Variants in GOLGA1 observed in about 807,000 individuals in gnomAD.
GOLGA1 encodes golgin subfamily A member 1.
Under a neutral mutation model 119.7 loss-of-function variants are expected in GOLGA1, and 63 were observed. The ratio of observed to expected loss-of-function variants is 0.53; its 90% CI spans 0.43 to 0.65. The LOEUF (loss-of-function observed/expected upper bound fraction) is 0.65. GOLGA1 is among the 30% of genes least tolerant of loss of function. GOLGA1 has a pLI of 0.00. For missense variants in GOLGA1, 798 were observed against 912.8 expected (o/e 0.87, Z 1.62); for synonymous variants, 318 against 333.4 (o/e 0.95, Z 0.50).
At chr9:124,892,458 A>G (rs1829877592) in intron 15 of GOLGA1, among the ~76,000 whole-genome samples, 1 of 152,126 alleles carries the variant, frequency 6.6e-6, no homozygotes, top group Non-Finnish European at 1.5e-5. Flanking sequence ...CAGTATTTAC[A>G]AAATCATTTA....
At chr9:124,942,687 A>T (rs1342386366), upstream of GOLGA1, 2 of 152,280 alleles carry the variant, frequency 1.3e-5, no homozygotes, top group Non-Finnish European at 2.9e-5. Context: ...TTCATGTACA[A>T]GAGTTCACAC....
At position 124,888,386 on chromosome 9, in the gene GOLGA1, C is replaced by T. The variant is rs1348039620; in HGVS notation, c.1772G>A (p.Arg591Lys). 6 of 1,614,056 alleles carry T rather than the reference C, an allele frequency of 3.7e-6. No individual in the cohort carries two copies. Among genetic ancestry groups the T allele is most frequent in the Admixed American group, 1.7e-5 (1 of 60,010 alleles). The change falls in exon 19 of 23, where the codon AGG becomes AAG. Residue 591 changes from arginine (R) to lysine (K), a missense_variant. By Grantham distance (26) the Arg-to-Lys change is conservative (BLOSUM62 2). Transcript: ENST00000373555. The surrounding 1 kb of genome is among the most constrained non-coding windows in gnomAD (Gnocchi z 4.4). The part of the protein sequence containing the change: ...LSVNESHVTS[R>K]AMQDPVFQLP... ...CTGGAACACAGGGTCCTGCATGGCC[C>T]TCGAGGTCACCTACAAGGTGGCAGC...
chr9:124,921,770 C>G lies in GOLGA1; in HGVS notation c.684G>C (p.Gln228His). The G allele has an allele frequency of 6.2e-7, 1 of 1,614,052 alleles. No homozygotes were observed. The highest frequency in any genetic ancestry group is 8.5e-7 in the Non-Finnish European group (1 of 1,179,886). Reference protein sequence around the residue: ...NSNQMSSDLSQKLEELQRHYS... With the variant: ...NSNQMSSDLSHKLEELQRHYS... ...AGTGTCTCTGCAATTCTTCTAGCTT[C>G]TGGCTTAAGTCTGATGACATCTGAT... Residue 228 changes from glutamine to histidine, a missense_variant, in exon 9 of 23, where the codon CAG becomes CAC. Physicochemically the swap from Gln to His is conservative, Grantham distance 24 (BLOSUM62 0). Transcript: ENST00000373555.
intron 11 of GOLGA1, among the ~76,000 whole-genome samples, chr9:124,910,760 T>C (rs1281657414): frequency 6.6e-6 from 1 of 152,080 alleles, no homozygotes; most frequent in Non-Finnish European, 1.5e-5. Flanking sequence ...GGTGTTAGAT[T>C]TTCATAGGAG....
upstream of GOLGA1, chr9:124,942,954 G>A (rs995295239): frequency 2.6e-5 from 4 of 152,200 alleles, no homozygotes; most frequent in African/African-American, 9.7e-5. Context: ...TGAAGTAGTG[G>A]AAGGCTATCT....
intron 15 of GOLGA1, among the ~76,000 whole-genome samples, chr9:124,890,796 C>T (rs1268678981): frequency 6.6e-6 from 1 of 152,162 alleles, no homozygotes; most frequent in Non-Finnish European, 1.5e-5. Context: ...TAGCCAAGAA[C>T]AAGAAGTCAG....
At chr9:124,898,295 T>C (rs1385493182) in intron 15 of GOLGA1, among the ~76,000 whole-genome samples, 1 of 152,198 alleles carries the variant, frequency 6.6e-6, no homozygotes, top group Non-Finnish European at 1.5e-5. Flanking sequence ...TAACCAACTA[T>C]GCAACTTGCA....
intron 12 of GOLGA1, among the ~76,000 whole-genome samples, chr9:124,907,961 A>G (rs1206087168): frequency 6.6e-6 from 1 of 152,214 alleles, no homozygotes; most frequent in East Asian, 1.9e-4. Context: ...AGCAATCTGG[A>G]TGTCTACCAC....
intron 2 of GOLGA1, among the ~76,000 whole-genome samples, chr9:124,939,429 AAAG>A (rs1482440300): frequency 1.3e-5 from 2 of 152,180 alleles, no homozygotes; most frequent in Admixed American, 6.5e-5. Context: ...GTAACAGAAA[AAAG>A]AAGACACACC....
Position 124,939,550 on chromosome 9 carries a change from CTTTTTTTT to C in GOLGA1, c.-156+548_-156+555del, listed in dbSNP as rs3051147. On this transcript the variant is annotated intron_variant, in intron 2 of 22. Transcript: ENST00000373555. ...TCCAATGAGTTTATTTTCTTTCTTT[CTTTTTTTT>C]TTTTTTTTTTTTTTTTTTTTTGAGA... Among the ~76,000 whole-genome samples the C allele has an allele frequency of 3.5e-3, 287 of 81,838 alleles. 1 individual carries two copies. The highest frequency in any genetic ancestry group is 9.5e-3 in the African/African-American group (200 of 20,990). The allele number at this position is 81,838 out of a possible 152,430, so 53.7% of individuals were successfully genotyped here.
chr9:124,894,611 G>C (rs956618227), intron 15 of GOLGA1, among the ~76,000 whole-genome samples: 2 of 152,010 alleles, frequency 1.3e-5, no homozygotes, highest in African/African-American at 2.4e-5. Flanking sequence ...TGTTGGGTAG[G>C]CCTCTGAAGC....
chr9:124,928,965 G>C (rs1830721897), intron 5 of GOLGA1, among the ~76,000 whole-genome samples: 2 of 152,060 alleles, frequency 1.3e-5, no homozygotes, highest in Admixed American at 6.6e-5. Context: ...TAAATAAAGG[G>C]GTCAACTGGA....
At chr9:124,890,304 C>T (rs1829825518) in intron 16 of GOLGA1, 85 bp downstream of exon 16, 8 of 932,612 alleles carry the variant, frequency 8.6e-6, no homozygotes, top group Non-Finnish European at 1.4e-5. Flanking sequence ...GAGACAGGCC[C>T]TCTCCAACAG....
Position 124,888,185 on chromosome 9 carries a change from G to T in GOLGA1, c.1905+68C>A. 6.9e-7 allele frequency: 1 copy of T among 1,452,650 alleles called. No individual in the cohort carries two copies. Among genetic ancestry groups the T allele is most frequent in the Non-Finnish European group, 9.6e-7 (1 of 1,036,398 alleles). 90.0% of individuals were successfully genotyped at this position (1,452,650 alleles called of 1,614,324 possible). A position where few individuals can be genotyped will look rare whatever the true frequency, so the allele number is the denominator to read the frequency against. Reference sequence around the variant, plus strand: ...CCACAAAAACCTCCAAGGATGGACTGGGTCATTTTAGGCCTGAGGGTGAGG... The same window carrying T: ...CCACAAAAACCTCCAAGGATGGACTTGGTCATTTTAGGCCTGAGGGTGAGG... On this transcript the variant is annotated intron_variant, in intron 19 of 22. Coordinates refer to ENST00000373555, the MANE Select transcript of GOLGA1 (RefSeq NM_002077.4). This position sits in a 1 kb window ranked among gnomAD's most constrained non-coding sequence, Gnocchi z 4.4.
rs988388873 is a variant in GOLGA1, at chr9:124,937,402, G to A, written c.135+1175C>T. Among the ~76,000 whole-genome samples the A allele has an allele frequency of 3.9e-5, 6 of 152,146 alleles. No individual in the cohort carries two copies. In the East Asian group the frequency reaches 7.7e-4, roughly 20 times the overall value. ...CGGGAGATGGAGGTTGCAGTGAGCCGAGATTGTGCTGCTGCACTCCACCCT... is the reference window on the plus strand; with the variant it reads ...CGGGAGATGGAGGTTGCAGTGAGCCAAGATTGTGCTGCTGCACTCCACCCT... On this transcript the variant is annotated intron_variant, in intron 3 of 22. Coordinates refer to ENST00000373555, the MANE Select transcript of GOLGA1 (RefSeq NM_002077.4).
intron 12 of GOLGA1, among the ~76,000 whole-genome samples, chr9:124,901,260 C>A (rs994303036): frequency 8.7e-5 from 13 of 149,460 alleles, no homozygotes; most frequent in African/African-American, 3.2e-4. Flanking sequence ...CGTGAGCCAC[C>A]ATGCCCGGCC....
At chr9:124,883,326 C>T (rs1232966915) in intron 19 of GOLGA1, among the ~76,000 whole-genome samples, 1 of 151,900 alleles carries the variant, frequency 6.6e-6, no homozygotes, top group Admixed American at 6.6e-5. Context: ...ACTCTTGTTG[C>T]CCAGGTTGGA....
chr9:124,912,529 G>A (rs368860032), intron 10 of GOLGA1, among the ~76,000 whole-genome samples: 78 of 152,244 alleles, frequency 5.1e-4, no homozygotes, highest in Middle Eastern at 3.4e-3. Context: ...ACAGCTGCCC[G>A]TTTTATTTCA....
At position 124,923,206 on chromosome 9, in the gene GOLGA1, T is replaced by C. The variant is rs771837924; in HGVS notation, c.450A>G (p.Thr150=). The C allele has an allele frequency of 7.5e-6, 12 of 1,596,680 alleles. No homozygotes were observed. The South Asian group carries it at 1.2e-4, about 16-fold the overall frequency. ...DQLEKEKNIL[T]AQLQEMKNQS... The stretch of plus-strand genomic sequence containing the variant: ...GGTTCTTCATTTCCTGTAACTGGGC[T>C]GTCAGAATATTTTTCTCCTATTTGA... The change falls in exon 8 of 23, where the codon ACA becomes ACG. Residue 150 remains threonine (T), a synonymous_variant. Transcript: ENST00000373555.
Sources: allele counts gnomAD v4.1 joint callset (sites outside exome capture counted in the v4.1 genomes callset), GRCh38; gene constraint gnomAD v4.1.1; non-coding constraint Gnocchi (gnomAD v3.1); transcripts MANE v1.5; gene names NCBI Gene and HGNC (gene_info 2026-07-23, HGNC 2026-07-21).